Variants in VRK2 observed in about 807,000 individuals in gnomAD.
VRK2 encodes VRK serine/threonine kinase 2.
VRK2 carries 60 observed loss-of-function variants against 57.6 expected under a neutral mutation model. That is an observed-to-expected ratio of 1.04 (90% confidence interval 0.85 to 1.29). VRK2 has a LOEUF of 1.29. VRK2 is among the 50% of genes most tolerant of loss of function. The pLI, the probability that VRK2 is intolerant of heterozygous loss-of-function variation, is 0.00. For missense variants in VRK2, 705 were observed against 588.1 expected, an observed-to-expected ratio of 1.20 and a Z score of -2.06; for synonymous variants, 231 against 199.2, an observed-to-expected ratio of 1.16 and a Z score of -1.35.
intron 2 of VRK2, among the ~76,000 whole-genome samples, chr2:58,067,874 T>C (rs1000909903): frequency 6.6e-6 from 1 of 152,164 alleles, no homozygotes; most frequent in East Asian, 1.9e-4. Flanking sequence ...GTAACTTTTC[T>C]TTTTCCTCAA....
chr2:58,079,814 C>A (rs1670608261), intron 2 of VRK2, among the ~76,000 whole-genome samples: 1 of 151,958 alleles, frequency 6.6e-6, no homozygotes, highest in Non-Finnish European at 1.5e-5. Context: ...TATTTAGAAG[C>A]CATAATATGG....
At chr2:58,064,852 A>G (rs1668406102) in intron 2 of VRK2, among the ~76,000 whole-genome samples, 1 of 152,148 alleles carries the variant, frequency 6.6e-6, no homozygotes, top group Non-Finnish European at 1.5e-5. Flanking sequence ...ATGTGTGATT[A>G]AGAAAACATA....
intron 1 of VRK2, among the ~76,000 whole-genome samples, chr2:57,931,010 C>G (rs1670705462): frequency 6.6e-6 from 1 of 151,856 alleles, no homozygotes; most frequent in African/African-American, 2.4e-5. Flanking sequence ...ATATATTATG[C>G]ATTCATATAT....
At chr2:58,146,155 C>T (rs551771282) in intron 11 of VRK2, among the ~76,000 whole-genome samples, 161 bp from the exon 12 acceptor site, 8 of 152,066 alleles carry the variant, frequency 5.3e-5, no homozygotes, top group Non-Finnish European at 7.4e-5. Flanking sequence ...ATCTTGCCAA[C>T]GACTATAGTT....
intron 8 of VRK2, among the ~76,000 whole-genome samples, chr2:58,128,764 T>A (rs944529347): frequency 3.3e-5 from 5 of 152,220 alleles, no homozygotes; most frequent in African/African-American, 1.2e-4. Flanking sequence ...TATTGTTACT[T>A]GTCAATAGGG....
intron 1 of VRK2, among the ~76,000 whole-genome samples, chr2:57,909,011 A>G (rs970674992): frequency 6.6e-6 from 1 of 152,194 alleles, no homozygotes; most frequent in Non-Finnish European, 1.5e-5. Flanking sequence ...AAATAAGGCA[A>G]CTGTATAACT....
intron 11 of VRK2, among the ~76,000 whole-genome samples, chr2:58,144,341 A>C (rs1681798243): frequency 6.6e-6 from 1 of 152,024 alleles, no homozygotes; most frequent in Non-Finnish European, 1.5e-5. Context: ...GACTGTAGTT[A>C]GTAATACTGT....
chr2:57,949,524 C>G (rs1227484030), intron 1 of VRK2, among the ~76,000 whole-genome samples: 2 of 152,134 alleles, frequency 1.3e-5, no homozygotes, highest in African/African-American at 4.8e-5. Flanking sequence ...AAGTGGCAAA[C>G]TTAATTGATA....
At chr2:58,037,667 A>C (rs2103711854) in intron 3 of VRK2, among the ~76,000 whole-genome samples, 1 of 152,208 alleles carries the variant, frequency 6.6e-6, no homozygotes, top group Non-Finnish European at 1.5e-5. Flanking sequence ...ATCTAAGGAG[A>C]TATTTACTAT....
At chr2:58,133,265 A>G (rs922141543) in intron 9 of VRK2, among the ~76,000 whole-genome samples, 1 of 152,108 alleles carries the variant, frequency 6.6e-6, no homozygotes, top group African/African-American at 2.4e-5. Context: ...ATTATTTTAC[A>G]TGTATAATGC....
At chr2:58,016,384 T>C (rs913602545) in intron 1 of VRK2, among the ~76,000 whole-genome samples, 4 of 152,326 alleles carry the variant, frequency 2.6e-5, no homozygotes, top group African/African-American at 7.2e-5. Context: ...TCTTGCTCTG[T>C]CTCCCAGGCG....
At chr2:57,912,353 A>G (rs185686742) in intron 1 of VRK2, among the ~76,000 whole-genome samples, 9 of 152,328 alleles carry the variant, frequency 5.9e-5, no homozygotes, top group Admixed American at 5.9e-4. Context: ...GGGACACATT[A>G]CTGCATGAAA....
intron 2 of VRK2, among the ~76,000 whole-genome samples, chr2:58,081,527 C>A (rs566825652): frequency 6.6e-6 from 1 of 151,168 alleles, no homozygotes; most frequent in Non-Finnish European, 1.5e-5. Context: ...TTGTTATCTT[C>A]TTTGCTCCTC....
At chr2:58,122,307 C>A (rs956748934) in intron 7 of VRK2, among the ~76,000 whole-genome samples, 1 of 152,198 alleles carries the variant, frequency 6.6e-6, no homozygotes, top group East Asian at 1.9e-4. Context: ...CCTGCACAGT[C>A]AAAAATTTGC....
chr2:58,141,168 CAAAG>C (rs1452176732), intron 11 of VRK2, among the ~76,000 whole-genome samples: 1 of 151,966 alleles, frequency 6.6e-6, no homozygotes, highest in Non-Finnish European at 1.5e-5. Context: ...TGCAACAAAA[CAAAG>C]AGCCATTTCC....
In VRK2 at chr2:58,084,118, G is replaced by T. The variant is rs778852734; in HGVS notation, c.166G>T (p.Ala56Ser). 6.2e-7 allele frequency: 1 copy of T among 1,606,492 alleles called. No individual in the cohort carries two copies. The change falls in exon 3 of 13, where the codon GCA becomes TCA. Residue 56 changes from alanine (A) to serine (S), a missense_variant. Ala to Ser is a moderately conservative substitution (Grantham distance 99). Transcript: ENST00000340157. Reference protein sequence around the residue: ...AFPTNKPEKDARHVVKVEYQE... With the variant: ...AFPTNKPEKDSRHVVKVEYQE... The stretch of plus-strand genomic sequence containing the variant: ...CCCCACAAATAAACCAGAGAAAGAT[G>T]CAAGACATGTAGTAAAAGTGGTAAG...
At chr2:57,918,190 T>C (rs1442481125) in intron 1 of VRK2, among the ~76,000 whole-genome samples, 1 of 152,116 alleles carries the variant, frequency 6.6e-6, no homozygotes, top group Non-Finnish European at 1.5e-5. Flanking sequence ...ATGTTAAGCA[T>C]GTAATTCCGC....
intron 7 of VRK2, among the ~76,000 whole-genome samples, chr2:58,105,387 C>T (rs562021231): frequency 6.6e-6 from 1 of 151,780 alleles, no homozygotes; most frequent in Admixed American, 6.6e-5. Context: ...GGGCAAAAGA[C>T]ATGAACAGAT....
intron 1 of VRK2, among the ~76,000 whole-genome samples, chr2:57,941,178 A>G (rs918127241): frequency 3.9e-5 from 6 of 152,324 alleles, no homozygotes; most frequent in South Asian, 4.1e-4. Flanking sequence ...TTTTGGTCAC[A>G]AGAAATATGT....
Sources: allele counts gnomAD v4.1 joint callset (sites outside exome capture counted in the v4.1 genomes callset), GRCh38; gene constraint gnomAD v4.1.1; transcripts MANE v1.5; gene names NCBI Gene and HGNC (gene_info 2026-07-23, HGNC 2026-07-21).